PLEKHA5: variants seen among roughly 807,000 people sequenced by gnomAD.
PLEKHA5 encodes pleckstrin homology domain containing A5.
In PLEKHA5, 55 loss-of-function variants were observed where a neutral mutation model predicts 181.9. The ratio of observed to expected loss-of-function variants is 0.30; its 90% confidence interval spans 0.24 to 0.38. The LOEUF is 0.38. PLEKHA5 is among the 10% of genes least tolerant of loss of function. PLEKHA5 has a pLI of 1.00. For missense variants in PLEKHA5, 1,432 were observed against 1,549.5 expected, an observed-to-expected ratio of 0.92 and a Z score of 1.27; for synonymous variants, 535 against 529.4, an observed-to-expected ratio of 1.01 and a Z score of -0.15.
At chr12:19,282,739 T>G (rs559797414) in intron 11 of PLEKHA5, among the ~76,000 whole-genome samples, 1 of 152,356 alleles carries the variant, frequency 6.6e-6, no homozygotes, top group African/African-American at 2.4e-5. Context: ...TATAATACTC[T>G]TTCATCTTTA....
intron 3 of PLEKHA5, among the ~76,000 whole-genome samples, chr12:19,250,025 C>T (rs2064837864): frequency 1.3e-5 from 2 of 152,138 alleles, no homozygotes; most frequent in Admixed American, 1.3e-4. Flanking sequence ...TTAGCAGCAC[C>T]CTGGCCTCTA....
intron 15 of PLEKHA5, among the ~76,000 whole-genome samples, chr12:19,305,704 CA>C (rs2083125463): frequency 6.6e-6 from 1 of 151,284 alleles, no homozygotes; most frequent in African/African-American, 2.4e-5. Flanking sequence ...ACTAAAAATA[CA>C]AAAAATTAAC....
Position 19,269,779 on chromosome 12 carries a change from C to G in PLEKHA5, c.721C>G (p.Pro241Ala). 1 of 1,573,446 alleles carries G rather than the reference C, an allele frequency of 6.4e-7. No homozygotes were observed. The highest frequency in any genetic ancestry group is 8.7e-7 in the Non-Finnish European group (1 of 1,147,630). ...NRKYAFKAAH[P>A]NMRTYYFCTD... ...TGTCATTTTCAATCAGGCAGCCCAT[C>G]CAAACATGCGGACCTATTATTTCTG... The change falls in exon 9 of 32, where the codon CCA becomes GCA. Residue 241 changes from proline to alanine, a missense_variant. By Grantham distance (27) the Pro-to-Ala change is conservative. Coordinates refer to ENST00000429027, the MANE Select transcript of PLEKHA5 (RefSeq NM_001256470.2).
intron 21 of PLEKHA5, among the ~76,000 whole-genome samples, chr12:19,340,474 G>C (rs374211906): frequency 1.1e-4 from 15 of 131,674 alleles, no homozygotes; most frequent in Middle Eastern, 3.9e-3. Context: ...CATTGAGAAC[G>C]GGCCATGATG....
chr12:19,268,935 G>C (rs765731733), intron 8 of PLEKHA5, among the ~76,000 whole-genome samples: 5 of 152,154 alleles, frequency 3.3e-5, no homozygotes, highest in Non-Finnish European at 7.3e-5. Flanking sequence ...TTGTGTTTGG[G>C]TGTAGATACC....
intron 3 of PLEKHA5, among the ~76,000 whole-genome samples, chr12:19,186,744 A>C (rs191967151): frequency 1.1e-4 from 16 of 152,190 alleles, no homozygotes; most frequent in African/African-American, 3.4e-4. Context: ...TTGAAGTCCT[A>C]TATTCTAACT....
At chr12:19,142,811 TC>T (rs1224870447) in intron 3 of PLEKHA5, among the ~76,000 whole-genome samples, 1 of 152,076 alleles carries the variant, frequency 6.6e-6, no homozygotes, top group African/African-American at 2.4e-5. Flanking sequence ...CATATTCCCA[TC>T]CCCCCATTTC....
At chr12:19,301,713 G>A (rs186939493) in intron 15 of PLEKHA5, among the ~76,000 whole-genome samples, 1 of 152,166 alleles carries the variant, frequency 6.6e-6, no homozygotes, top group African/African-American at 2.4e-5. Context: ...ATGTTTGCAG[G>A]TTTTACTTAC....
chr12:19,305,008 G>C (rs1456359712), intron 15 of PLEKHA5, among the ~76,000 whole-genome samples: 4 of 152,144 alleles, frequency 2.6e-5, no homozygotes, highest in African/African-American at 9.7e-5. Context: ...CACTGTCTTG[G>C]TGCTACCTTT....
intron 3 of PLEKHA5, chr12:19,149,668 G>A (rs2039905117): frequency 6.6e-6 from 1 of 152,264 alleles, no homozygotes; most frequent in Admixed American, 6.5e-5. Flanking sequence ...ACCTAGTCAG[G>A]TAAGAGGCTT....
At chr12:19,375,447 G>T (rs1360920731) in intron 31 of PLEKHA5, 84 bp from the exon 32 acceptor site, 1 of 152,314 alleles carries the variant, frequency 6.6e-6, no homozygotes, top group Non-Finnish European at 1.5e-5. Context: ...TGTTGTTACA[G>T]AATGTCACCC....
At chr12:19,306,563 G>A in intron 15 of PLEKHA5, 1 of 767,920 alleles carries the variant, frequency 1.3e-6, no homozygotes, top group South Asian at 1.3e-5. Flanking sequence ...CACTACCATC[G>A]TCCCCAGCAC....
At chr12:19,350,674 C>T (rs1186091115) in intron 25 of PLEKHA5, among the ~76,000 whole-genome samples, 1 of 151,946 alleles carries the variant, frequency 6.6e-6, no homozygotes, top group Non-Finnish European at 1.5e-5. Context: ...GAGGCAGAGG[C>T]AGGAGAATCA....
At position 19,301,615 on chromosome 12, in the gene PLEKHA5, A is replaced by G. The variant is rs141692108; in HGVS notation, c.2037+9918A>G. Reference sequence around the variant, plus strand: ...CAAATATACCACAAGGACATAATCTATCTTCCTTGAAGAAAAGGGGAAATA... The same window carrying G: ...CAAATATACCACAAGGACATAATCTGTCTTCCTTGAAGAAAAGGGGAAATA... On this transcript the variant is annotated intron_variant, in intron 15 of 31. Coordinates refer to ENST00000429027, the MANE Select transcript of PLEKHA5 (RefSeq NM_001256470.2). Among the ~76,000 whole-genome samples, 219 of 152,364 alleles carry G rather than the reference A, an allele frequency of 1.4e-3. 7 individuals are homozygous for G. In the East Asian group the frequency reaches 0.038, roughly 26 times the overall value.
chr12:19,244,499 C>G lies in PLEKHA5; in HGVS notation c.228-9441C>G, dbSNP rs2063277112. Among the ~76,000 whole-genome samples the G allele has an allele frequency of 3.3e-5, 5 of 152,318 alleles. No homozygotes were observed. In the Middle Eastern group the frequency reaches 0.014, roughly 414 times the overall value. The stretch of plus-strand genomic sequence containing the variant: ...GTGTGGCAGCTTTTGTGGGTTGGGC[C>G]TTTGCAAAAGTCCAAGTCATGATAC... On this transcript the variant is annotated intron_variant, in intron 3 of 31. Coordinates refer to ENST00000429027, the MANE Select transcript of PLEKHA5 (RefSeq NM_001256470.2).
intron 3 of PLEKHA5, among the ~76,000 whole-genome samples, chr12:19,173,578 G>A (rs557687124): frequency 1.3e-5 from 2 of 152,042 alleles, no homozygotes; most frequent in Non-Finnish European, 2.9e-5. Flanking sequence ...TAATGACATG[G>A]TACTAATACT....
intron 3 of PLEKHA5, among the ~76,000 whole-genome samples, chr12:19,237,665 C>T (rs2061621215): frequency 1.3e-5 from 2 of 151,838 alleles, no homozygotes; most frequent in South Asian, 2.1e-4. Context: ...TTATATATTA[C>T]AGATCGTATT....
At chr12:19,333,689 A>T (rs2093079139) in intron 20 of PLEKHA5, among the ~76,000 whole-genome samples, 3 of 143,254 alleles carry the variant, frequency 2.1e-5, no homozygotes, top group Non-Finnish European at 4.6e-5. Flanking sequence ...GCTCACTGCA[A>T]CCTCCACCCC....
chr12:19,220,431 T>C (rs949814880), intron 3 of PLEKHA5, among the ~76,000 whole-genome samples: 1 of 152,130 alleles, frequency 6.6e-6, no homozygotes, highest in Non-Finnish European at 1.5e-5. Flanking sequence ...GAAACATAGA[T>C]GTATGCTAGA....
Sources: gnomAD v4.1 joint callset for allele counts (sites outside exome capture counted in the v4.1 genomes callset) on GRCh38, gnomAD v4.1.1 for gene constraint, MANE v1.5 for transcripts, NCBI Gene and HGNC (gene_info 2026-07-23, HGNC 2026-07-21) for gene names.